The following RBMS3 variants were observed in gnomAD, a reference collection of about 807,000 sequenced individuals.
RBMS3 encodes RNA binding motif single stranded interacting protein 3, also known as RNA-binding motif, single-stranded-interacting protein 3.
A neutral mutation model predicts 66.8 loss-of-function variants in RBMS3; 27 were observed. That is an observed-to-expected ratio of 0.40 (90% confidence interval 0.30 to 0.56). The LOEUF (loss-of-function observed/expected upper bound fraction) is 0.56. Among genes scored for constraint, RBMS3 ranks in the 20% least tolerant of loss-of-function variants. RBMS3 has a pLI of 0.40. For missense variants in RBMS3, 513 were observed against 549.5 expected (o/e 0.93, Z 0.66); for synonymous variants, 188 against 183.0 (o/e 1.03, Z -0.22).
intron 2 of RBMS3, among the ~76,000 whole-genome samples, chr3:29,460,751 G>T (rs1014536864): frequency 6.6e-6 from 1 of 152,108 alleles, no homozygotes; most frequent in Non-Finnish European, 1.5e-5. Context: ...AATGTGCTTC[G>T]CAGCCCTCTT....
chr3:29,344,608 T>G (rs1014743604), intron 1 of RBMS3, among the ~76,000 whole-genome samples: 1 of 152,106 alleles, frequency 6.6e-6, no homozygotes, highest in South Asian at 2.1e-4. Context: ...CCAAAATCAA[T>G]TAGCTATTAT....
intron 3 of RBMS3, among the ~76,000 whole-genome samples, chr3:29,524,692 C>T (rs2045019626): frequency 6.6e-6 from 1 of 151,884 alleles, no homozygotes; most frequent in Non-Finnish European, 1.5e-5. Flanking sequence ...GATCTGCCCT[C>T]CTTGGCCTCA....
At chr3:29,330,778 A>T (rs2035609109) in intron 1 of RBMS3, among the ~76,000 whole-genome samples, 1 of 152,134 alleles carries the variant, frequency 6.6e-6, no homozygotes, top group South Asian at 2.1e-4. Flanking sequence ...GCACCAAATG[A>T]TGTGTTGTGC....
At chr3:29,393,838 G>T (rs1217746544) in intron 1 of RBMS3, among the ~76,000 whole-genome samples, 1 of 152,086 alleles carries the variant, frequency 6.6e-6, no homozygotes, top group African/African-American at 2.4e-5. Context: ...CGAAAGGGGA[G>T]GTGGGTACGA....
At chr3:29,973,590 C>G (rs1697361886) in intron 12 of RBMS3, among the ~76,000 whole-genome samples, 1 of 151,934 alleles carries the variant, frequency 6.6e-6, no homozygotes, top group South Asian at 2.1e-4. Flanking sequence ...ACGTTTCTGA[C>G]TGAATGTTCC....
intron 4 of RBMS3, chr3:29,615,236 T>C (rs1043649163): frequency 6.6e-6 from 1 of 152,246 alleles, no homozygotes; most frequent in Non-Finnish European, 1.5e-5. Flanking sequence ...CTTCCTGCTA[T>C]ACAAATCAAA....
intron 4 of RBMS3, among the ~76,000 whole-genome samples, chr3:29,628,161 C>T (rs1252001142): frequency 7.2e-5 from 11 of 152,100 alleles, no homozygotes; most frequent in Non-Finnish European, 1.3e-4. Flanking sequence ...GGAACTCTTG[C>T]ACAGGTCAAC....
intron 6 of RBMS3, among the ~76,000 whole-genome samples, chr3:29,823,074 G>T (rs2058113125): frequency 1.3e-5 from 2 of 152,084 alleles, no homozygotes; most frequent in South Asian, 4.1e-4. Context: ...TAAAATTTGT[G>T]TTGCAGCTTA....
chr3:29,544,838 A>G (rs1303653510), intron 3 of RBMS3, among the ~76,000 whole-genome samples: 1 of 152,148 alleles, frequency 6.6e-6, no homozygotes, highest in Non-Finnish European at 1.5e-5. Flanking sequence ...AAAACAGATA[A>G]CAGATGGGAT....
At chr3:29,433,806 C>T (rs1320550833) in intron 1 of RBMS3, among the ~76,000 whole-genome samples, 2 of 152,130 alleles carry the variant, frequency 1.3e-5, no homozygotes, top group Non-Finnish European at 2.9e-5. Flanking sequence ...TTGTTTATTG[C>T]AATTTTCTGG....
chr3:29,829,589 G>A (rs574765735), intron 6 of RBMS3, among the ~76,000 whole-genome samples: 1 of 152,184 alleles, frequency 6.6e-6, no homozygotes, highest in East Asian at 1.9e-4. Context: ...AGCAGAATGG[G>A]GGAGGAGACA....
In RBMS3 at chr3:29,762,022, T is replaced by G. The variant is rs149099212; in HGVS notation, c.558-888T>G. Among the ~76,000 whole-genome samples, 4 of 152,268 alleles carry G rather than the reference T, an allele frequency of 2.6e-5. No individual in the cohort carries two copies. The East Asian group carries it at 7.8e-4, about 30-fold the overall frequency. ...AAAAGGCCAGATATTATCCATTATT[T>G]GGAAACTGCTACAAATATTACTGTA... On this transcript the variant is annotated intron_variant, in intron 5 of 14. Coordinates refer to ENST00000383767, the MANE Select transcript of RBMS3 (RefSeq NM_001003793.3).
At chr3:29,358,628 A>G (rs1559514065) in intron 1 of RBMS3, among the ~76,000 whole-genome samples, 1 of 152,140 alleles carries the variant, frequency 6.6e-6, no homozygotes, top group Non-Finnish European at 1.5e-5. Flanking sequence ...TCTATAAATT[A>G]CCTTGGGCAG....
chr3:29,580,588 CTT>C (rs2047291820), intron 3 of RBMS3, among the ~76,000 whole-genome samples: 1 of 151,720 alleles, frequency 6.6e-6, no homozygotes, highest in African/African-American at 2.4e-5. Flanking sequence ...ACAATAAACT[CTT>C]TGTCAAGAAA....
Position 30,009,745 on chromosome 3 carries a change from G to A in RBMS3, c.*5883G>A, listed in dbSNP as rs1395108401. The A allele has an allele frequency of 1.3e-5, 2 of 152,048 alleles. No homozygotes were observed. The highest frequency in any genetic ancestry group is 2.4e-5 in the African/African-American group (1 of 41,416). The allele number at this position is 152,048 out of a possible 1,614,324, so 9.4% of individuals were successfully genotyped here. The stretch of plus-strand genomic sequence containing the variant: ...AAGGCCGAATGACTTTGACACCCCC[G>A]TGGATTATTTTTATGATCACATCAA... On this transcript the variant is annotated 3_prime_UTR_variant, in exon 15 of 15. Transcript: ENST00000383767.
intron 5 of RBMS3, among the ~76,000 whole-genome samples, chr3:29,748,139 A>T (rs771807999): frequency 1.3e-5 from 2 of 152,166 alleles, no homozygotes; most frequent in South Asian, 4.1e-4. Flanking sequence ...CTAAAATACA[A>T]ATCAGAAAGA....
chr3:29,802,873 C>T (rs1224253949), intron 6 of RBMS3, among the ~76,000 whole-genome samples: 2 of 152,056 alleles, frequency 1.3e-5, no homozygotes, highest in African/African-American at 2.4e-5. Context: ...ACATTTTATC[C>T]TTATTATAAG....
intron 1 of RBMS3, among the ~76,000 whole-genome samples, chr3:29,380,170 T>C (rs1317736380): frequency 6.6e-6 from 1 of 151,520 alleles, no homozygotes; most frequent in Non-Finnish European, 1.5e-5. Context: ...TTAAAGAATA[T>C]AAAGAATAGT....
chr3:29,520,694 T>C (rs888390581), intron 3 of RBMS3, among the ~76,000 whole-genome samples: 2 of 152,220 alleles, frequency 1.3e-5, no homozygotes, highest in Admixed American at 6.5e-5. Context: ...ATATGAAGGA[T>C]GTATTATGCT....
Sources: gnomAD v4.1 joint callset for allele counts (sites outside exome capture counted in the v4.1 genomes callset) on GRCh38, gnomAD v4.1.1 for gene constraint, MANE v1.5 for transcripts, NCBI Gene and HGNC (gene_info 2026-07-23, HGNC 2026-07-21) for gene names.